The following POLR2M variants were observed in gnomAD, a reference collection of about 807,000 sequenced individuals.
POLR2M encodes protein GRINL1A.
Under a neutral mutation model 34.6 loss-of-function variants are expected in POLR2M, and 30 were observed. The observed-to-expected ratio is 0.87, with a 90% CI of 0.65 to 1.18. The LOEUF is 1.18. Ranked by LOEUF, POLR2M falls within the 50% of genes most tolerant of loss-of-function variation. POLR2M has a pLI of 0.00. For missense variants in POLR2M, 432 were observed against 448.7 expected, an observed-to-expected ratio of 0.96 and a Z score of 0.34; for synonymous variants, 150 against 166.7, an observed-to-expected ratio of 0.90 and a Z score of 0.77.
chr15:57,714,946 A>G lies in POLR2M; in HGVS notation c.*267A>G, dbSNP rs2040883866. 2.8e-6 allele frequency: 1 copy of G among 360,476 alleles called. No individual in the cohort carries two copies. 22.3% of individuals were successfully genotyped at this position (360,476 alleles called of 1,614,324 possible). ...GTCTGATATTTTAGTATATAGTAGA[A>G]CATACTTTTTTTTTCTTTAAGCCAA... On this transcript the variant is annotated 3_prime_UTR_variant, in exon 4 of 4. Coordinates refer to ENST00000299638, the MANE Select transcript of POLR2M (RefSeq NM_015532.5).
Position 57,716,480 on chromosome 15 carries a change from C to T in POLR2M, c.*1801C>T, listed in dbSNP as rs1297940290. On this transcript the variant is annotated 3_prime_UTR_variant, in exon 4 of 4. Transcript: ENST00000299638. ...TATATATATTACTCACTGCAGAGAT[C>T]ATGTTCATTTACATTCCCATTAGCA... 1 of 152,272 alleles carries T rather than the reference C, an allele frequency of 6.6e-6. No individual in the cohort carries two copies. Among genetic ancestry groups the T allele is most frequent in the Non-Finnish European group, 1.5e-5 (1 of 68,046 alleles). The allele number at this position is 152,272 out of a possible 1,614,324, so 9.4% of individuals were successfully genotyped here.
At position 57,708,871 on chromosome 15, in the gene POLR2M, G is replaced by A. The variant is rs1325797034; in HGVS notation, c.271G>A (p.Glu91Lys). ...TAAGCTAAGGCAAAAAGCAATTGCA[G>A]AAGTTGATGTGGGTACAGATAAGGC... ...DCKLRQKAIAEVDVGTDKAQN... is the reference protein window; with the variant it reads ...DCKLRQKAIAKVDVGTDKAQN... Residue 91 changes from glutamate (E) to lysine (K), a missense_variant, in exon 2 of 4, where the codon GAA becomes AAA. Coordinates refer to ENST00000299638, the MANE Select transcript of POLR2M (RefSeq NM_015532.5). 1 of 1,614,034 alleles carries A rather than the reference G, an allele frequency of 6.2e-7. No homozygotes were observed. Among genetic ancestry groups the A allele is most frequent in the Non-Finnish European group, 8.5e-7 (1 of 1,179,902 alleles).
Position 57,713,126 on chromosome 15 carries a change from C to T in POLR2M, c.963+938C>T, listed in dbSNP as rs575284572. Among the ~76,000 whole-genome samples the T allele has an allele frequency of 1.0e-4, 15 of 150,608 alleles. No individual in the cohort carries two copies. In the East Asian group the frequency reaches 2.4e-3, roughly 24 times the overall value. On this transcript the variant is annotated intron_variant, in intron 3 of 3. Coordinates refer to ENST00000299638, the MANE Select transcript of POLR2M (RefSeq NM_015532.5). ...GGAGGATTGCTTGAGCTCAGGAGGTCGAGGCTGCAGTGAGCCGCAGTCACA... is the reference window on the plus strand; with the variant it reads ...GGAGGATTGCTTGAGCTCAGGAGGTTGAGGCTGCAGTGAGCCGCAGTCACA...
intron 2 of POLR2M, among the ~76,000 whole-genome samples, chr15:57,709,709 A>G (rs149207546): frequency 1.3e-5 from 2 of 152,366 alleles, no homozygotes; most frequent in East Asian, 3.9e-4. Context: ...AAGGTCTTTT[A>G]AAGCACATGG....
At chr15:57,707,083 T>C in intron 1 of POLR2M, 128 bp downstream of exon 1, 1 of 1,550,482 alleles carries the variant, frequency 6.4e-7, no homozygotes, top group African/African-American at 1.4e-5. Flanking sequence ...TTCGCTTCAG[T>C]CCTACGGGCG....
chr15:57,707,331 AGGAACC>A (rs2040534621), intron 1 of POLR2M: 1 of 723,740 alleles, frequency 1.4e-6, no homozygotes, highest in African/African-American at 1.7e-5. Context: ...CTAAGCTTAC[AGGAACC>A]GTAGGAAATG....
intron 1 of POLR2M, among the ~76,000 whole-genome samples, chr15:57,708,508 A>G (rs2040580641): frequency 1.3e-5 from 2 of 152,270 alleles, no homozygotes; most frequent in African/African-American, 2.4e-5. Flanking sequence ...TATATTCCCT[A>G]TTCTTCCTGC....
Position 57,714,887 on chromosome 15 carries a change from A to G in POLR2M, c.*208A>G. 1.3e-6 allele frequency: 1 copy of G among 772,634 alleles called. No individual in the cohort carries two copies. Among genetic ancestry groups the G allele is most frequent in the Admixed American group, 3.4e-5 (1 of 29,382 alleles). The allele number at this position is 772,634 out of a possible 1,614,324, so 47.9% of individuals were successfully genotyped here. On this transcript the variant is annotated 3_prime_UTR_variant, in exon 4 of 4. Coordinates refer to ENST00000299638, the MANE Select transcript of POLR2M (RefSeq NM_015532.5). Reference sequence around the variant, plus strand: ...ATATTTGAATATTGTGTTTAACCACATGGTATTAAAATTTTGCAATATATT... The same window carrying G: ...ATATTTGAATATTGTGTTTAACCACGTGGTATTAAAATTTTGCAATATATT...
At chr15:57,712,599 A>G (rs1380352986) in intron 3 of POLR2M, among the ~76,000 whole-genome samples, 2 of 152,324 alleles carry the variant, frequency 1.3e-5, no homozygotes, top group East Asian at 3.9e-4. Flanking sequence ...CCAGGCTTCC[A>G]TCTTCTGCAG....
intron 1 of POLR2M, 193 bp downstream of exon 1, chr15:57,707,148 A>T (rs994960176): frequency 6.5e-7 from 1 of 1,527,548 alleles, no homozygotes; most frequent in Non-Finnish European, 8.8e-7. Context: ...CCAGGCACGT[A>T]TGCCTGCGAG....
intron 3 of POLR2M, among the ~76,000 whole-genome samples, chr15:57,713,642 T>G (rs1225566707): frequency 6.6e-6 from 1 of 152,108 alleles, no homozygotes; most frequent in African/African-American, 2.4e-5. Context: ...TTACTTGGAC[T>G]TTTTATTGGA....
intron 2 of POLR2M, among the ~76,000 whole-genome samples, chr15:57,710,143 CATA>C (rs1473396858): frequency 2.0e-5 from 3 of 152,064 alleles, no homozygotes; most frequent in East Asian, 1.9e-4. Flanking sequence ...AGTTAAGCTA[CATA>C]ATAATAACAG....
At chr15:57,713,810 A>C (rs981875265) in intron 3 of POLR2M, among the ~76,000 whole-genome samples, 2 of 142,482 alleles carry the variant, frequency 1.4e-5, no homozygotes, top group East Asian at 4.7e-4. Context: ...TCTAGACAGC[A>C]TTAGTCCTTC....
chr15:57,717,044 A>C lies in POLR2M; in HGVS notation c.*2365A>C, dbSNP rs1300045124. On this transcript the variant is annotated 3_prime_UTR_variant, in exon 4 of 4. Transcript: ENST00000299638. ...TCTCAAATGTATTTGGTTATATTAT[A>C]TAAGGTAGGGATTTGATTTTATTTC... is the stretch of plus-strand genomic sequence containing the variant. 3 of 152,168 alleles carry C rather than the reference A, an allele frequency of 2.0e-5. No homozygotes were observed. Among genetic ancestry groups the C allele is most frequent in the Non-Finnish European group, 4.4e-5 (3 of 68,022 alleles). The allele number at this position is 152,168 out of a possible 1,614,324, so 9.4% of individuals were successfully genotyped here. A position where few individuals can be genotyped will look rare whatever the true frequency, so the allele number is the denominator to read the frequency against.
In POLR2M at chr15:57,706,965, G is replaced by A; in HGVS notation, c.113+10G>A. 5 of 1,581,270 alleles carry A rather than the reference G, an allele frequency of 3.2e-6. No homozygotes were observed. The highest frequency in any genetic ancestry group is 1.7e-4 in the Middle Eastern group (1 of 6,018). ...GACTTTTGCGCAACGAGTAAGCTGG[G>A]GTCCCGCGGAGTCTCCGCCAGGCTC... On this transcript the variant is annotated intron_variant, in intron 1 of 3. Coordinates refer to ENST00000299638, the MANE Select transcript of POLR2M (RefSeq NM_015532.5).
rs1291483691 is a variant in POLR2M, at chr15:57,717,340, T to G, written c.*2661T>G. ...AGAGCTTAATGGGTAAAGCAACAGC[T>G]GTGTAATCACAAACTAGATGCAGAG... On this transcript the variant is annotated 3_prime_UTR_variant, in exon 4 of 4. Transcript: ENST00000299638. 6.6e-6 allele frequency: 1 copy of G among 152,212 alleles called. No individual in the cohort carries two copies. The highest frequency in any genetic ancestry group is 1.5e-5 in the Non-Finnish European group (1 of 68,038). The allele number at this position is 152,212 out of a possible 1,614,324, so 9.4% of individuals were successfully genotyped here.
At chr15:57,712,571 A>C (rs1200428462) in intron 3 of POLR2M, among the ~76,000 whole-genome samples, 1 of 152,184 alleles carries the variant, frequency 6.6e-6, no homozygotes, top group African/African-American at 2.4e-5. Flanking sequence ...TTGTTAGAGA[A>C]TGAGGAGAAT....
In POLR2M at chr15:57,709,012, G is replaced by A. The variant is rs1189490088; in HGVS notation, c.412G>A (p.Glu138Lys). 6.2e-7 allele frequency: 1 copy of A among 1,613,910 alleles called. No individual in the cohort carries two copies. Among genetic ancestry groups the A allele is most frequent in the East Asian group, 2.2e-5 (1 of 44,880 alleles). Residue 138 changes from glutamate (E) to lysine (K), a missense_variant, in exon 2 of 4, where the codon GAA (glutamate) becomes AAA (lysine). By Grantham distance (56) the Glu-to-Lys change is moderately conservative. Transcript: ENST00000299638. ...QNQGLGRPTLEGDEETSEVEY... is the reference protein window; with the variant it reads ...QNQGLGRPTLKGDEETSEVEY... ...CCAGGGACTTGGACGTCCTACTCTT[G>A]AAGGTGATGAAGAGACTTCAGAGGT...
chr15:57,707,056 A>T (rs921661816), intron 1 of POLR2M, 101 bp downstream of exon 1: 116 of 1,551,442 alleles, frequency 7.5e-5, no homozygotes, highest in Non-Finnish European at 9.9e-5. Context: ...CTGGAAGGTG[A>T]CTTTGACTCA....
Sources: allele counts gnomAD v4.1 joint callset (sites outside exome capture counted in the v4.1 genomes callset), GRCh38; gene constraint gnomAD v4.1.1; transcripts MANE v1.5; gene names NCBI Gene and HGNC (gene_info 2026-07-23, HGNC 2026-07-21).